The following NEBL variants were observed in gnomAD, a reference collection of about 807,000 sequenced individuals.
NEBL encodes nebulette, also known as LIM and SH3 protein 2.
In NEBL, 122 loss-of-function variants were observed where a neutral mutation model predicts 140.2. The ratio of observed to expected loss-of-function variants is 0.87; its 90% CI spans 0.75 to 1.01. The LOEUF is 1.01. NEBL is among the 50% of genes least tolerant of loss of function. The probability of loss-of-function intolerance (pLI) is 0.00; values close to 1 mark genes in which losing one functional copy is unlikely to be tolerated. For synonymous variants in NEBL, 436 were observed against 398.9 expected (o/e 1.09, Z -1.11); for missense variants, 1,365 against 1,231.3 (o/e 1.11, Z -1.62).
chr10:21,041,302 C>T (rs747395769), intron 2 of NEBL, among the ~76,000 whole-genome samples: 4 of 152,072 alleles, frequency 2.6e-5, no homozygotes, highest in Non-Finnish European at 5.9e-5. Context: ...GGAGAACATG[C>T]GGTATTTGGT....
At chr10:20,961,025 A>G (rs1420305607) in intron 4 of NEBL, among the ~76,000 whole-genome samples, 1 of 152,188 alleles carries the variant, frequency 6.6e-6, no homozygotes, top group Non-Finnish European at 1.5e-5. Flanking sequence ...GACACACTTC[A>G]TGTAATATTT....
Position 21,027,933 on chromosome 10 carries a change from A to G in NEBL, c.165-7732T>C, listed in dbSNP as rs115261348. On this transcript the variant is annotated intron_variant, in intron 2 of 6. Coordinates refer to the NEBL transcript ENST00000417816. ...CATTCAAAATTATCTTTAAAGAATG[A>G]GAAATAGGCCAAGTGCAGTGGCTCA... Among the ~76,000 whole-genome samples the G allele has an allele frequency of 8.5e-3, 1,294 of 152,216 alleles. 22 individuals are homozygous for G. Among genetic ancestry groups the G allele is most frequent in the African/African-American group, 0.029 (1,221 of 41,516 alleles).
intron 26 of NEBL, among the ~76,000 whole-genome samples, chr10:20,799,950 A>T (rs79450707): frequency 0.012 from 1,762 of 144,392 alleles, 24 homozygotes; most frequent in African/African-American, 0.041. Context: ...TGTGTGTGTG[A>T]GACGGAGAAA....
chr10:20,894,199 G>A (rs1564427664), intron 2 of NEBL, among the ~76,000 whole-genome samples: 1 of 152,216 alleles, frequency 6.6e-6, no homozygotes. Flanking sequence ...GGCCAGCCCG[G>A]TGGCTCACAC....
At chr10:21,264,066 G>A (rs1842770851) in intron 1 of NEBL, among the ~76,000 whole-genome samples, 1 of 152,160 alleles carries the variant, frequency 6.6e-6, no homozygotes, top group South Asian at 2.1e-4. Flanking sequence ...AGTCATGCTA[G>A]GCCTCCTTTT....
chr10:20,922,021 G>A (rs1455095602), intron 4 of NEBL, among the ~76,000 whole-genome samples: 1 of 152,178 alleles, frequency 6.6e-6, no homozygotes, highest in Admixed American at 6.5e-5. Context: ...AGCAAGCAAT[G>A]GTCTCCTAAG....
chr10:20,866,020 A>G (rs1844244042), intron 7 of NEBL, among the ~76,000 whole-genome samples: 2 of 152,118 alleles, frequency 1.3e-5, no homozygotes, highest in Non-Finnish European at 2.9e-5. Context: ...ACCTTCCCTA[A>G]GTGTTTTCTT....
chr10:20,854,228 A>G lies in NEBL; in HGVS notation c.904-1579T>C, dbSNP rs192868549. Reference sequence around the variant, plus strand: ...CAATGGGGTACCAGTAAAAATGGCAATAGAGTGGAGGGATCCAAAAACAGT... The same window carrying G: ...CAATGGGGTACCAGTAAAAATGGCAGTAGAGTGGAGGGATCCAAAAACAGT... On this transcript the variant is annotated intron_variant, in intron 9 of 27. Transcript: ENST00000377122. Among the ~76,000 whole-genome samples the G allele has an allele frequency of 2.5e-3, 374 of 152,294 alleles. 2 individuals carry two copies. The highest frequency in any genetic ancestry group is 4.2e-3 in the Non-Finnish European group (287 of 68,024).
At chr10:20,887,418 T>G (rs1355968111) in intron 4 of NEBL, among the ~76,000 whole-genome samples, 6 of 141,726 alleles carry the variant, frequency 4.2e-5, no homozygotes. Context: ...AACCTTTTTT[T>G]TTTTTTTTTT....
At chr10:21,096,800 G>T (rs1270518933) in intron 2 of NEBL, among the ~76,000 whole-genome samples, 1 of 152,064 alleles carries the variant, frequency 6.6e-6, no homozygotes. Context: ...GAGCCATCAG[G>T]CCCGGCCTGA....
chr10:20,987,475 G>A (rs906609554), intron 3 of NEBL, among the ~76,000 whole-genome samples: 4 of 151,938 alleles, frequency 2.6e-5, no homozygotes, highest in African/African-American at 7.3e-5. Context: ...TGACCTCAAT[G>A]TCACTTATGC....
chr10:20,888,006 T>C (rs916534286), intron 4 of NEBL, 91 bp downstream of exon 4: 28 of 885,580 alleles, frequency 3.2e-5, no homozygotes, highest in East Asian at 5.0e-5. Context: ...TTAACACCCA[T>C]GATGAAAACG....
chr10:21,252,719 G>A (rs1842602090), intron 1 of NEBL, among the ~76,000 whole-genome samples: 2 of 152,200 alleles, frequency 1.3e-5, no homozygotes, highest in South Asian at 4.1e-4. Flanking sequence ...ACTTCGGGAG[G>A]CCAAGGCGGG....
chr10:20,968,035 G>A (rs761886782), intron 3 of NEBL, among the ~76,000 whole-genome samples: 5 of 152,148 alleles, frequency 3.3e-5, no homozygotes, highest in East Asian at 3.9e-4. Flanking sequence ...GGGTTTTTTC[G>A]TAAATGGCAG....
intron 2 of NEBL, among the ~76,000 whole-genome samples, chr10:21,047,977 G>A (rs1834594449): frequency 6.6e-6 from 1 of 152,070 alleles, no homozygotes; most frequent in Admixed American, 6.5e-5. Context: ...TTTTGTGGGG[G>A]TACACAGCAC....
chr10:21,074,074 CA>C (rs376240154), intron 2 of NEBL, among the ~76,000 whole-genome samples: 4 of 147,726 alleles, frequency 2.7e-5, no homozygotes, highest in East Asian at 2.0e-4. Context: ...GACTCCGTCT[CA>C]AAAAAAAAAG....
At chr10:20,961,873 T>C in intron 3 of NEBL, 2 of 929,070 alleles carry the variant, frequency 2.2e-6, no homozygotes, top group East Asian at 2.4e-5. Flanking sequence ...TTGGAAACAA[T>C]GGCTAAAAAC....
intron 4 of NEBL, among the ~76,000 whole-genome samples, chr10:20,923,872 A>G (rs1286482401): frequency 2.0e-5 from 3 of 151,780 alleles, no homozygotes; most frequent in Non-Finnish European, 2.9e-5. Context: ...ACCCAGCAGG[A>G]ATAAAAGGAG....
intron 1 of NEBL, among the ~76,000 whole-genome samples, chr10:21,263,402 G>T (rs758129191): frequency 6.6e-6 from 1 of 152,110 alleles, no homozygotes; most frequent in East Asian, 1.9e-4. Flanking sequence ...GGGAAAGGGG[G>T]CGGGGGGTTG....
Sources: allele counts gnomAD v4.1 joint callset (sites outside exome capture counted in the v4.1 genomes callset), GRCh38; gene constraint gnomAD v4.1.1; transcripts MANE v1.5; gene names NCBI Gene and HGNC (gene_info 2026-07-23, HGNC 2026-07-21).